The following COBLL1 variants were observed in gnomAD, a reference collection of about 807,000 sequenced individuals.
COBLL1 encodes the protein cordon-bleu protein-like 1.
A neutral mutation model predicts 94.8 loss-of-function variants in COBLL1; 50 were observed. That is an observed-to-expected ratio of 0.53 (90% confidence interval 0.42 to 0.67). The LOEUF (loss-of-function observed/expected upper bound fraction) is 0.67, where lower values mean the gene tolerates loss of function less well. Ranked by LOEUF, COBLL1 falls within the 30% of genes least tolerant of loss-of-function variation. The pLI, the probability that COBLL1 is intolerant of heterozygous loss-of-function variation, is 0.00. For missense variants in COBLL1, 1,362 were observed against 1,348.7 expected, an observed-to-expected ratio of 1.01 and a Z score of -0.15; for synonymous variants, 448 against 473.8, an observed-to-expected ratio of 0.95 and a Z score of 0.71.
chr2:164,822,664 T>C (rs1685221115), intron 2 of COBLL1, among the ~76,000 whole-genome samples: 1 of 151,124 alleles, frequency 6.6e-6, no homozygotes, highest in African/African-American at 2.4e-5. Flanking sequence ...AATTTCAATA[T>C]GGGTAGAGAG....
At position 164,832,777 on chromosome 2, in the gene COBLL1, C is replaced by T. The variant is rs556277704; in HGVS notation, c.41+8379G>A. Among the ~76,000 whole-genome samples the T allele has an allele frequency of 7.9e-5, 12 of 152,332 alleles. No homozygotes were observed. In the South Asian group the frequency reaches 2.5e-3, roughly 32 times the overall value. ...AAACTACAAATGGCCCAACAAATGG[C>T]TCACACCTGTAATCCCAGCACTTTG... On this transcript the variant is annotated intron_variant, in intron 2 of 13. Transcript: ENST00000652658.
chr2:164,781,297 T>A (rs181404227), intron 2 of COBLL1, among the ~76,000 whole-genome samples: 1 of 152,204 alleles, frequency 6.6e-6, no homozygotes, highest in East Asian at 1.9e-4. Context: ...TAATGGCCCA[T>A]GCCTGTGATA....
chr2:164,785,281 G>A (rs938796302), intron 2 of COBLL1, among the ~76,000 whole-genome samples: 1 of 152,254 alleles, frequency 6.6e-6, no homozygotes, highest in South Asian at 2.1e-4. Context: ...TCCAGCTACT[G>A]GGGAGGCCGA....
chr2:164,757,704 T>C (rs971488058), intron 2 of COBLL1, among the ~76,000 whole-genome samples: 5 of 152,012 alleles, frequency 3.3e-5, no homozygotes, highest in African/African-American at 9.7e-5. Flanking sequence ...TTCAGCTACT[T>C]GGGAGCCTGA....
chr2:164,782,820 T>C (rs1559011151), intron 2 of COBLL1, among the ~76,000 whole-genome samples: 1 of 152,186 alleles, frequency 6.6e-6, no homozygotes, highest in African/African-American at 2.4e-5. Flanking sequence ...TATATCACAT[T>C]AAATGTTTAA....
intron 2 of COBLL1, among the ~76,000 whole-genome samples, chr2:164,795,087 T>C (rs1269832457): frequency 6.6e-6 from 1 of 152,198 alleles, no homozygotes; most frequent in Non-Finnish European, 1.5e-5. Flanking sequence ...GAAAGTTGGT[T>C]CCACATATCA....
chr2:164,775,278 T>C (rs1233564154), intron 2 of COBLL1, among the ~76,000 whole-genome samples: 1 of 152,118 alleles, frequency 6.6e-6, no homozygotes, highest in Non-Finnish European at 1.5e-5. Context: ...TTAACACCAA[T>C]GCCCCTCATG....
chr2:164,687,213 C>CTTTTTTTTTTT (rs879090827), intron 13 of COBLL1: 46 of 317,702 alleles, frequency 1.4e-4, no homozygotes, highest in African/African-American at 1.1e-3. Context: ...GACTTTCTTT[C>CTTTTTTTTTTT]TTTTTTTTTT....
intron 2 of COBLL1, among the ~76,000 whole-genome samples, chr2:164,831,599 T>C (rs1165658546): frequency 6.6e-6 from 1 of 152,054 alleles, no homozygotes; most frequent in African/African-American, 2.4e-5. Context: ...CAACACATTT[T>C]ATGTGGGAGC....
chr2:164,686,203 AAAAG>A (rs1683276775), intron 13 of COBLL1, among the ~76,000 whole-genome samples, 171 bp from the exon 14 acceptor site: 1 of 152,250 alleles, frequency 6.6e-6, no homozygotes. Context: ...ATAAAATTTA[AAAAG>A]AGAGAGTCGT....
At chr2:164,807,755 T>A (rs1684248207) in intron 2 of COBLL1, among the ~76,000 whole-genome samples, 1 of 152,204 alleles carries the variant, frequency 6.6e-6, no homozygotes. Context: ...GCATTTAGGA[T>A]AATTTAATTA....
chr2:164,659,780 AT>A (rs960003065), intron 2 of COBLL1, among the ~76,000 whole-genome samples: 2 of 151,956 alleles, frequency 1.3e-5, no homozygotes, highest in African/African-American at 4.8e-5. Flanking sequence ...TTTATTCTGG[AT>A]TTTTTTTCTT....
At chr2:164,835,221 T>A (rs554351267) in intron 2 of COBLL1, among the ~76,000 whole-genome samples, 1 of 152,210 alleles carries the variant, frequency 6.6e-6, no homozygotes, top group Non-Finnish European at 1.5e-5. Context: ...TACACCCATG[T>A]TCATAGCAAC....
At chr2:164,802,180 A>G (rs942531690) in intron 2 of COBLL1, among the ~76,000 whole-genome samples, 1 of 152,246 alleles carries the variant, frequency 6.6e-6, no homozygotes, top group Non-Finnish European at 1.5e-5. Context: ...ACAAAAGAAA[A>G]GTGTATTTGT....
At chr2:164,764,492 T>C (rs1260528386) in intron 2 of COBLL1, among the ~76,000 whole-genome samples, 2 of 152,170 alleles carry the variant, frequency 1.3e-5, no homozygotes, top group African/African-American at 4.8e-5. Flanking sequence ...AAATGCATAT[T>C]ATCCAGCTGT....
At chr2:164,792,334 G>T (rs534742535) in intron 2 of COBLL1, among the ~76,000 whole-genome samples, 2 of 152,042 alleles carry the variant, frequency 1.3e-5, no homozygotes, top group South Asian at 4.2e-4. Context: ...TCACTATGTT[G>T]CCCAGGCTGG....
At chr2:164,787,797 T>C (rs574193378) in intron 2 of COBLL1, among the ~76,000 whole-genome samples, 2 of 152,342 alleles carry the variant, frequency 1.3e-5, no homozygotes, top group African/African-American at 4.8e-5. Flanking sequence ...TTGTATTTAC[T>C]ATAATAATAG....
At chr2:164,720,388 TA>T (rs1445690631) in intron 7 of COBLL1, among the ~76,000 whole-genome samples, 1 of 152,114 alleles carries the variant, frequency 6.6e-6, no homozygotes, top group African/African-American at 2.4e-5. Flanking sequence ...CCCAGAATTT[TA>T]AGAAACAGAC....
At chr2:164,770,318 A>C (rs1681625939) in intron 2 of COBLL1, among the ~76,000 whole-genome samples, 1 of 152,146 alleles carries the variant, frequency 6.6e-6, no homozygotes, top group South Asian at 2.1e-4. Flanking sequence ...AGAAAAAAAA[A>C]ACACACAATA....
Sources: gnomAD v4.1 joint callset for allele counts (sites outside exome capture counted in the v4.1 genomes callset) on GRCh38, gnomAD v4.1.1 for gene constraint, MANE v1.5 for transcripts, NCBI Gene and HGNC (gene_info 2026-07-23, HGNC 2026-07-21) for gene names.